Variants in ZSCAN5B observed in about 807,000 individuals in gnomAD.
ZSCAN5B encodes the protein zinc finger and SCAN domain containing 5B.
A neutral mutation model predicts 25.2 loss-of-function variants in ZSCAN5B; 26 were observed. That is an observed-to-expected ratio of 1.03 (90% CI 0.76 to 1.43). ZSCAN5B has a LOEUF of 1.43. Ranked by LOEUF, ZSCAN5B falls within the 40% of genes most tolerant of loss-of-function variation. The pLI is 0.00. For synonymous variants in ZSCAN5B, 244 were observed against 240.9 expected (o/e 1.01, Z -0.12); for missense variants, 745 against 622.1 (o/e 1.20, Z -2.10).
Position 56,191,945 on chromosome 19 carries a change from A to G in ZSCAN5B, c.493T>C (p.Trp165Arg), listed in dbSNP as rs748390488. The change falls in exon 3 of 5, where the codon TGG (tryptophan) becomes CGG (arginine). Residue 165 changes from tryptophan to arginine, a missense_variant. Physicochemically the swap from Trp to Arg is moderately radical, Grantham distance 101. Transcript: ENST00000586855. ...TGCATCTGGTTCACAGAGGAGGCCC[A>G]CTGGCTGGACACGTCTCTCGGATCA... The G allele has an allele frequency of 1.7e-5, 27 of 1,613,788 alleles. No homozygotes were observed. The highest frequency in any genetic ancestry group is 1.6e-4 in the Middle Eastern group (1 of 6,084).
intron 1 of ZSCAN5B, among the ~76,000 whole-genome samples, chr19:56,196,875 C>T (rs993529403): frequency 3.3e-5 from 5 of 152,202 alleles, no homozygotes; most frequent in Admixed American, 6.5e-5. Flanking sequence ...GTTCCCTAAG[C>T]GCCCCTGCTC....
intron 2 of ZSCAN5B, among the ~76,000 whole-genome samples, 197 bp from the exon 3 acceptor site, chr19:56,192,250 T>C (rs1050168890): frequency 6.6e-6 from 1 of 152,192 alleles, no homozygotes; most frequent in Non-Finnish European, 1.5e-5. Flanking sequence ...ATATGAGTCA[T>C]TTAGATGAAA....
chr19:56,192,965 C>A lies in ZSCAN5B; in HGVS notation c.88G>T (p.Glu30Ter). ...CTGTCGTGATTTCCAAGTTGAGTTT[C>A]TGGGGACGCCACAGACCGTGGAGTG... Residue 30 changes from glutamate (E) to a stop codon, truncating the protein, a stop_gained, in exon 2 of 5, where the codon GAA becomes TAA. Transcript: ENST00000586855. LOFTEE classifies it high-confidence loss of function. 1 of 1,611,916 alleles carries A rather than the reference C, an allele frequency of 6.2e-7. No homozygotes were observed. The highest frequency in any genetic ancestry group is 8.5e-7 in the Non-Finnish European group (1 of 1,178,724).
At chr19:56,194,681 A>C (rs540490284) in intron 1 of ZSCAN5B, among the ~76,000 whole-genome samples, 1 of 152,084 alleles carries the variant, frequency 6.6e-6, no homozygotes, top group East Asian at 1.9e-4. Flanking sequence ...GCAGTGGTGC[A>C]ATCTCAGCTC....
At position 56,197,681 on chromosome 19, in the gene ZSCAN5B, A is replaced by C. The variant is rs551880375; in HGVS notation, c.-128+53T>G. 3.2e-6 allele frequency: 3 copies of C among 950,868 alleles called. No individual in the cohort carries two copies. In the East Asian group the frequency reaches 3.5e-4, roughly 111 times the overall value. 58.9% of individuals were successfully genotyped at this position (950,868 alleles called of 1,614,324 possible). ...AATAAACCCAAACTTTCTGAAACCA[A>C]CCCCCCGCATGCCAGCTCCGAAACC... On this transcript the variant is annotated intron_variant, in intron 1 of 4. Coordinates refer to ENST00000586855, the Ensembl canonical transcript of ZSCAN5B.
chr19:56,193,046 C>T (rs1337957554), exon 2 of ZSCAN5B: 2 of 1,559,206 alleles, frequency 1.3e-6, no homozygotes, highest in Non-Finnish European at 1.7e-6. Flanking sequence ...GTCCAATTTG[C>T]AGCCATATCT....
At chr19:56,193,286 G>A (rs931126847) in intron 1 of ZSCAN5B, 107 bp from the exon 2 acceptor site, 9 of 501,894 alleles carry the variant, frequency 1.8e-5, no homozygotes, top group Non-Finnish European at 2.4e-5. Flanking sequence ...CATGGGCATC[G>A]GACTCAGCCC....
At chr19:56,195,391 G>A (rs3103606) in intron 1 of ZSCAN5B, among the ~76,000 whole-genome samples, 17 of 152,124 alleles carry the variant, frequency 1.1e-4, no homozygotes, top group South Asian at 6.2e-4. Flanking sequence ...AAAGGTGCTC[G>A]TCATCACTCA....
chr19:56,197,482 C>A (rs2032825044), intron 1 of ZSCAN5B, among the ~76,000 whole-genome samples: 1 of 152,128 alleles, frequency 6.6e-6, no homozygotes, highest in Non-Finnish European at 1.5e-5. Context: ...GTGATCTGCC[C>A]ACCTCGGCCT....
chr19:56,192,138 C>T, intron 2 of ZSCAN5B, 85 bp from the exon 3 acceptor site: 3 of 1,213,276 alleles, frequency 2.5e-6, no homozygotes, highest in South Asian at 1.4e-5. Flanking sequence ...AATGCTCACA[C>T]TTTACTGTAA....
chr19:56,189,885 C>T (rs746019486), exon 5 of ZSCAN5B: 19 of 1,613,792 alleles, frequency 1.2e-5, no homozygotes, highest in Middle Eastern at 1.6e-4. Context: ...CCCCAGCTGA[C>T]GGAAGGCCTT....
At position 56,192,837 on chromosome 19, in the gene ZSCAN5B, C is replaced by T. The variant is rs1568585503; in HGVS notation, c.216G>A (p.Trp72Ter). 10 of 1,613,254 alleles carry T rather than the reference C, an allele frequency of 6.2e-6. No homozygotes were observed. Among genetic ancestry groups the T allele is most frequent in the Non-Finnish European group, 8.5e-6 (10 of 1,179,346 alleles). Residue 72 changes from tryptophan (W) to a stop codon, truncating the protein, a stop_gained, in exon 2 of 5, where the codon TGG becomes TGA. Transcript: ENST00000586855. LOFTEE classifies it high-confidence loss of function. ...CTTTGGTGTGGAGGTCGGGCCTCAG[C>T]CACAGATGGCACAGCTCAGTGAGTT... is the stretch of plus-strand genomic sequence containing the variant.
Position 56,190,165 on chromosome 19 carries a change from G to A in ZSCAN5B, c.1150C>T (p.Gln384Ter). The A allele has an allele frequency of 6.2e-7, 1 of 1,614,056 alleles. No individual in the cohort carries two copies. Among genetic ancestry groups the A allele is most frequent in the Non-Finnish European group, 8.5e-7 (1 of 1,179,918 alleles). The stretch of plus-strand genomic sequence containing the variant: ...AAGCGCTTCCGACAGAGATCACATT[G>A]AAAGGGTCTGTCTCCTGTGTGTGAC... The change falls in exon 5 of 5, where the codon CAA (glutamine) becomes TAA (stop). Residue 384 changes from glutamine to a stop codon, truncating the protein, a stop_gained. Coordinates refer to ENST00000586855, the Ensembl canonical transcript of ZSCAN5B. LOFTEE classifies it low-confidence loss of function (END_TRUNC).
intron 4 of ZSCAN5B, 29 bp from the exon 5 acceptor site, chr19:56,190,604 C>T (rs757320232): frequency 1.3e-6 from 2 of 1,598,702 alleles, no homozygotes; most frequent in South Asian, 2.2e-5. Flanking sequence ...CCACACACAA[C>T]AGTTAACAAA....
exon 3 of ZSCAN5B, chr19:56,191,864 G>A (rs1041838951): frequency 1.9e-6 from 3 of 1,613,792 alleles, no homozygotes; most frequent in Non-Finnish European, 2.5e-6. Context: ...CTCCTGGACA[G>A]TGCAGCGACC....
intron 3 of ZSCAN5B, among the ~76,000 whole-genome samples, chr19:56,191,330 G>A (rs940836862): frequency 2.0e-5 from 3 of 152,094 alleles, no homozygotes; most frequent in South Asian, 2.1e-4. Flanking sequence ...TCCTGGAGGG[G>A]GCGCTCCTGT....
intron 1 of ZSCAN5B, among the ~76,000 whole-genome samples, chr19:56,194,997 T>C (rs1354733804): frequency 6.6e-6 from 1 of 152,062 alleles, no homozygotes; most frequent in Non-Finnish European, 1.5e-5. Context: ...ATCACCCAAG[T>C]TCAACAGCTA....
exon 5 of ZSCAN5B, chr19:56,190,302 G>C: frequency 6.2e-7 from 1 of 1,614,166 alleles, no homozygotes; most frequent in Non-Finnish European, 8.5e-7. Context: ...GACCGGGCCC[G>C]CAGGGCCTGG....
intron 3 of ZSCAN5B, 61 bp from the exon 4 acceptor site, chr19:56,191,048 G>A (rs961017990): frequency 6.2e-7 from 1 of 1,605,216 alleles, no homozygotes; most frequent in African/African-American, 1.3e-5. Flanking sequence ...GTAGGGACAT[G>A]TCTGTCCCCT....
Sources: allele counts gnomAD v4.1 joint callset (sites outside exome capture counted in the v4.1 genomes callset), GRCh38; gene constraint gnomAD v4.1.1; transcripts MANE v1.5; gene names NCBI Gene and HGNC (gene_info 2026-07-23, HGNC 2026-07-21).